FGF10: variants seen among roughly 807,000 people sequenced by gnomAD.
FGF10 encodes FGF-10.
Under a neutral mutation model 19.8 loss-of-function variants are expected in FGF10, and 2 were observed. The ratio of observed to expected loss-of-function variants is 0.10; its 90% CI spans 0.04 to 0.32. The LOEUF (loss-of-function observed/expected upper bound fraction) is 0.32. Among genes scored for constraint, FGF10 ranks in the 10% least tolerant of loss-of-function variants. The pLI is 1.00. For missense variants in FGF10, 191 were observed against 246.3 expected (o/e 0.78, Z 1.50); for synonymous variants, 112 against 94.0 (o/e 1.19, Z -1.10).
chr5:44,385,521 A>C (rs373438449), intron 1 of FGF10, among the ~76,000 whole-genome samples: 4 of 152,220 alleles, frequency 2.6e-5, no homozygotes, highest in Non-Finnish European at 4.4e-5. Flanking sequence ...TTTAGCAGCA[A>C]TAATACTAGG....
chr5:44,376,303 C>G (rs192912709), intron 1 of FGF10, among the ~76,000 whole-genome samples: 4 of 151,910 alleles, frequency 2.6e-5, no homozygotes, highest in African/African-American at 9.7e-5. Flanking sequence ...ACCAAGAAGT[C>G]TGACTCAAGA....
At chr5:44,363,784 T>G (rs1401690847) in intron 1 of FGF10, among the ~76,000 whole-genome samples, 1 of 151,894 alleles carries the variant, frequency 6.6e-6, no homozygotes, top group Non-Finnish European at 1.5e-5. Context: ...GGGCAATCAC[T>G]AACTACATAT....
chr5:44,332,840 A>G (rs1740767746), intron 1 of FGF10, among the ~76,000 whole-genome samples: 1 of 152,136 alleles, frequency 6.6e-6, no homozygotes, highest in Non-Finnish European at 1.5e-5. Context: ...GAGGAAGAAA[A>G]AGAAACAGAA....
chr5:44,386,644 T>A (rs1349880209), intron 1 of FGF10, among the ~76,000 whole-genome samples: 1 of 152,342 alleles, frequency 6.6e-6, no homozygotes. Flanking sequence ...ATAATTGTCA[T>A]CATTATGACA....
chr5:44,314,844 A>T (rs907548634), intron 1 of FGF10, among the ~76,000 whole-genome samples: 1 of 152,156 alleles, frequency 6.6e-6, no homozygotes, highest in Non-Finnish European at 1.5e-5. Context: ...ATTGGTCTGG[A>T]GGGTAAGTTT....
At chr5:44,362,545 T>G (rs1741515421) in intron 1 of FGF10, among the ~76,000 whole-genome samples, 1 of 151,724 alleles carries the variant, frequency 6.6e-6, no homozygotes, top group Admixed American at 6.6e-5. Context: ...ACTAGTGTTA[T>G]TCACAGGAGC....
intron 1 of FGF10, among the ~76,000 whole-genome samples, chr5:44,324,857 G>A (rs1033061650): frequency 6.6e-6 from 1 of 152,098 alleles, no homozygotes; most frequent in African/African-American, 2.4e-5. Context: ...TAAGGAATAA[G>A]CAACATCCAA....
chr5:44,385,465 C>G (rs569471667), intron 1 of FGF10, among the ~76,000 whole-genome samples: 1 of 152,188 alleles, frequency 6.6e-6, no homozygotes, highest in East Asian at 1.9e-4. Context: ...TTTAATTACC[C>G]AGGACAACAA....
At chr5:44,352,992 A>T (rs992674535) in intron 1 of FGF10, among the ~76,000 whole-genome samples, 8 of 151,616 alleles carry the variant, frequency 5.3e-5, no homozygotes, top group Non-Finnish European at 1.0e-4. Flanking sequence ...TTTGTAATTT[A>T]AAAAAGATTT....
chr5:44,318,015 A>G (rs79002828), intron 1 of FGF10, among the ~76,000 whole-genome samples: 1,686 of 152,232 alleles, frequency 0.011, 72 homozygotes, highest in East Asian at 0.1. Context: ...GATCTAGAAA[A>G]GCTTGTGTTC....
intron 1 of FGF10, among the ~76,000 whole-genome samples, chr5:44,387,338 G>C (rs918475169): frequency 1.3e-5 from 2 of 152,088 alleles, no homozygotes; most frequent in African/African-American, 4.8e-5. Context: ...AAGGGAAAGA[G>C]AGAAAGAAGG....
In FGF10 at chr5:44,340,328, G is replaced by A. The variant is rs1188330064; in HGVS notation, c.326-29798C>T. ...CCCAAAAGTTATACACTTTAGTGAGGGTTATAAGCCTTTGAAATCTACCCT... is the reference window on the plus strand; with the variant it reads ...CCCAAAAGTTATACACTTTAGTGAGAGTTATAAGCCTTTGAAATCTACCCT... On this transcript the variant is annotated intron_variant, in intron 1 of 2. Coordinates refer to ENST00000264664, the MANE Select transcript of FGF10 (RefSeq NM_004465.2). Among the ~76,000 whole-genome samples the A allele has an allele frequency of 2.6e-5, 4 of 152,044 alleles. No homozygotes were observed. In the East Asian group the frequency reaches 7.8e-4, roughly 30 times the overall value.
intron 1 of FGF10, among the ~76,000 whole-genome samples, chr5:44,329,868 A>T (rs1267192690): frequency 6.6e-6 from 1 of 152,084 alleles, no homozygotes; most frequent in East Asian, 1.9e-4. Context: ...ATTTGCGCTA[A>T]ATTCCTCTTC....
At chr5:44,362,605 G>T (rs1741516100) in intron 1 of FGF10, among the ~76,000 whole-genome samples, 2 of 151,616 alleles carry the variant, frequency 1.3e-5, no homozygotes, top group Non-Finnish European at 3.0e-5. Flanking sequence ...ATATCATAGA[G>T]TATCAATGGA....
At chr5:44,379,980 T>G (rs1283205580) in intron 1 of FGF10, among the ~76,000 whole-genome samples, 1 of 152,242 alleles carries the variant, frequency 6.6e-6, no homozygotes, top group East Asian at 1.9e-4. Flanking sequence ...ACACTATTTT[T>G]GTTCATCAAG....
rs1740007594 is a variant in FGF10 at position 44,303,594 on chromosome 5, CTT to C, written c.*1399_*1400del. On this transcript the variant is annotated 3_prime_UTR_variant, in exon 3 of 3. Coordinates refer to ENST00000264664, the MANE Select transcript of FGF10 (RefSeq NM_004465.2). ...ACAATGTGATGATGATTGGTAAACT[CTT>C]ATGTACTCTTTTCTATACCTGCTCT... 1.3e-5 allele frequency: 2 copies of C among 152,122 alleles called. No homozygotes were observed. Among genetic ancestry groups the C allele is most frequent in the South Asian group, 4.1e-4 (2 of 4,834 alleles). 9.4% of individuals were successfully genotyped at this position (152,122 alleles called of 1,614,324 possible).
intron 1 of FGF10, among the ~76,000 whole-genome samples, chr5:44,328,434 C>T (rs1740660855): frequency 6.6e-6 from 1 of 152,128 alleles, no homozygotes; most frequent in African/African-American, 2.4e-5. Flanking sequence ...CCCATACTGA[C>T]AATCTCATGT....
chr5:44,385,662 A>G (rs1742080328), intron 1 of FGF10, among the ~76,000 whole-genome samples: 1 of 152,088 alleles, frequency 6.6e-6, no homozygotes, highest in Non-Finnish European at 1.5e-5. Flanking sequence ...AGGAATTGAC[A>G]CTCTTCAGAG....
At chr5:44,371,626 T>C (rs878928831) in intron 1 of FGF10, among the ~76,000 whole-genome samples, 1 of 152,158 alleles carries the variant, frequency 6.6e-6, no homozygotes, top group Admixed American at 6.5e-5. Context: ...GCTACTTTTA[T>C]GGATAGGTTC....
Sources: gnomAD v4.1 joint callset for allele counts (sites outside exome capture counted in the v4.1 genomes callset) on GRCh38, gnomAD v4.1.1 for gene constraint, MANE v1.5 for transcripts, NCBI Gene and HGNC (gene_info 2026-07-23, HGNC 2026-07-21) for gene names.